The following MGAT4D variants were observed in gnomAD, a reference collection of about 807,000 sequenced individuals.
The protein encoded by MGAT4D is MGAT4 family member D.
A neutral mutation model predicts 15.9 loss-of-function variants in MGAT4D; 34 were observed. The ratio of observed to expected loss-of-function variants is 2.14; its 90% CI spans 1.62 to 2.84. The LOEUF (loss-of-function observed/expected upper bound fraction) is 2.84, where lower values mean the gene tolerates loss of function less well. Ranked by LOEUF, MGAT4D falls within the 30% of genes most tolerant of loss-of-function variation. The pLI is 0.00. For missense variants in MGAT4D, 327 were observed against 140.2 expected (o/e 2.33, Z -6.73); for synonymous variants, 112 against 48.2 (o/e 2.33, Z -5.49).
At chr4:140,490,540 C>T (rs950472440) in intron 1 of MGAT4D, among the ~76,000 whole-genome samples, 3 of 152,220 alleles carry the variant, frequency 2.0e-5, no homozygotes, top group African/African-American at 7.2e-5. Flanking sequence ...TTAGACCCTG[C>T]CAAGCCAAAG....
At chr4:140,475,587 G>C (rs1389718283) in intron 3 of MGAT4D, among the ~76,000 whole-genome samples, 1 of 145,256 alleles carries the variant, frequency 6.9e-6, no homozygotes, top group African/African-American at 2.6e-5. Context: ...CTTTAAGATA[G>C]GGATAAGGAC....
At chr4:140,453,281 T>C (rs1730585909) in intron 9 of MGAT4D, among the ~76,000 whole-genome samples, 4 of 152,074 alleles carry the variant, frequency 2.6e-5, no homozygotes, top group Admixed American at 1.3e-4. Flanking sequence ...TGGTAGAATA[T>C]CTACCAAAAA....
chr4:140,459,341 A>T, intron 8 of MGAT4D, 171 bp downstream of exon 8: 1 of 306,474 alleles, frequency 3.3e-6, no homozygotes, highest in Non-Finnish European at 6.0e-6. Context: ...AAAATACATT[A>T]TCTGGAATTT....
At chr4:140,447,505 G>A (rs1221413124) in intron 10 of MGAT4D, among the ~76,000 whole-genome samples, 2 of 152,072 alleles carry the variant, frequency 1.3e-5, no homozygotes, top group Non-Finnish European at 2.9e-5. Flanking sequence ...TGTTTGGTCT[G>A]AAATTAGGAT....
rs537761952 is a variant in MGAT4D, at chr4:140,444,278, T to G, written c.1117-834A>C. Among the ~76,000 whole-genome samples the G allele has an allele frequency of 3.7e-4, 56 of 152,248 alleles. No homozygotes were observed. The South Asian group carries it at 0.012, about 32-fold the overall frequency. On this transcript the variant is annotated intron_variant, in intron 10 of 10. Transcript: ENST00000511113. ...TGTAGGTTTGTTATATAGGTAAATT[T>G]GTGTCACGGGGGTTTGGTGTACAGC...
chr4:140,443,988 A>G (rs1232389117), intron 10 of MGAT4D, among the ~76,000 whole-genome samples: 1 of 152,114 alleles, frequency 6.6e-6, no homozygotes, highest in Non-Finnish European at 1.5e-5. Context: ...AAGGGGAAAA[A>G]ACCCCACACA....
At chr4:140,454,430 A>G (rs968768240) in intron 9 of MGAT4D, among the ~76,000 whole-genome samples, 1 of 152,290 alleles carries the variant, frequency 6.6e-6, no homozygotes, top group South Asian at 2.1e-4. Context: ...CAAACAAACC[A>G]GTTTTGTATT....
intron 1 of MGAT4D, among the ~76,000 whole-genome samples, chr4:140,490,048 T>C (rs1431786486): frequency 6.6e-6 from 1 of 152,170 alleles, no homozygotes; most frequent in Non-Finnish European, 1.5e-5. Context: ...CAAGGGAAGT[T>C]TGAATTCCCA....
chr4:140,468,066 C>T, intron 5 of MGAT4D, among the ~76,000 whole-genome samples: 1 of 149,834 alleles, frequency 6.7e-6, no homozygotes, highest in South Asian at 2.1e-4. Flanking sequence ...TTAAATTATT[C>T]TATTATAATT....
chr4:140,462,950 C>G (rs140824088), intron 6 of MGAT4D, among the ~76,000 whole-genome samples: 437 of 152,172 alleles, frequency 2.9e-3, no homozygotes, highest in African/African-American at 0.01. Flanking sequence ...TTCACAAACC[C>G]TTTGAAAGAA....
chr4:140,460,745 C>T (rs924425524), intron 7 of MGAT4D, among the ~76,000 whole-genome samples: 24 of 152,166 alleles, frequency 1.6e-4, no homozygotes, highest in Middle Eastern at 3.4e-3. Context: ...TTCAGTGAGC[C>T]GCGATTGTGC....
At chr4:140,450,730 C>T (rs1000722319) in intron 10 of MGAT4D, among the ~76,000 whole-genome samples, 1 of 152,014 alleles carries the variant, frequency 6.6e-6, no homozygotes, top group Admixed American at 6.6e-5. Context: ...GTAGAGGTGT[C>T]GAGGGTGGAA....
In MGAT4D at chr4:140,443,426, T is replaced by G. The variant is rs1452350506; in HGVS notation, c.*10A>C. The G allele has an allele frequency of 9.9e-6, 4 of 404,210 alleles. No individual in the cohort carries two copies. Among genetic ancestry groups the G allele is most frequent in the Non-Finnish European group, 1.7e-5 (4 of 232,922 alleles). 25.0% of individuals were successfully genotyped at this position (404,210 alleles called of 1,614,324 possible). ...GTTCCAGGTATTACAGAGTTTCTTCTTATTTATCTTCATATTTTCTGAAAT... is the reference window on the plus strand; with the variant it reads ...GTTCCAGGTATTACAGAGTTTCTTCGTATTTATCTTCATATTTTCTGAAAT... On this transcript the variant is annotated 3_prime_UTR_variant, in exon 11 of 11. Coordinates refer to ENST00000511113, the MANE Select transcript of MGAT4D (RefSeq NM_001277353.2).
intron 1 of MGAT4D, among the ~76,000 whole-genome samples, chr4:140,491,347 C>T (rs1733491170): frequency 6.6e-6 from 1 of 152,046 alleles, no homozygotes. Flanking sequence ...AAGAGAGATC[C>T]CCAAGAAATA....
intron 1 of MGAT4D, among the ~76,000 whole-genome samples, chr4:140,492,024 C>T (rs1344482202): frequency 1.3e-5 from 2 of 152,186 alleles, no homozygotes; most frequent in Admixed American, 1.3e-4. Flanking sequence ...AATCTGAGTT[C>T]ACCCTATGAC....
At chr4:140,456,358 T>C (rs1730799922) in intron 9 of MGAT4D, among the ~76,000 whole-genome samples, 1 of 152,188 alleles carries the variant, frequency 6.6e-6, no homozygotes, top group Admixed American at 6.5e-5. Flanking sequence ...TCTATCATTT[T>C]TTTTTCTATT....
intron 3 of MGAT4D, among the ~76,000 whole-genome samples, chr4:140,476,892 A>G (rs13116833): frequency 8.5e-5 from 13 of 152,114 alleles, no homozygotes; most frequent in African/African-American, 1.9e-4. Flanking sequence ...ACTCATTCCT[A>G]TCTAGAATGT....
At chr4:140,453,312 TA>T (rs1730589067) in intron 9 of MGAT4D, among the ~76,000 whole-genome samples, 1 of 152,094 alleles carries the variant, frequency 6.6e-6, no homozygotes, top group African/African-American at 2.4e-5. Context: ...AGATTTTGAT[TA>T]GAATTGTGTT....
At chr4:140,496,914 C>A (rs900765341) in intron 1 of MGAT4D, among the ~76,000 whole-genome samples, 1 of 151,906 alleles carries the variant, frequency 6.6e-6, no homozygotes, top group African/African-American at 2.4e-5. Context: ...TATAAGTGTG[C>A]TTATTGTTCA....
Sources: gnomAD v4.1 joint callset for allele counts (sites outside exome capture counted in the v4.1 genomes callset) on GRCh38, gnomAD v4.1.1 for gene constraint, MANE v1.5 for transcripts, NCBI Gene and HGNC (gene_info 2026-07-23, HGNC 2026-07-21) for gene names.